The following SCGN variants were observed in gnomAD, a reference collection of about 807,000 sequenced individuals.
The protein encoded by SCGN is secretagogin.
Under a neutral mutation model 39.7 loss-of-function variants are expected in SCGN, and 30 were observed. The ratio of observed to expected loss-of-function variants is 0.76; its 90% CI spans 0.57 to 1.03. SCGN has a LOEUF of 1.03. Among genes scored for constraint, SCGN ranks in the 50% least tolerant of loss-of-function variants. The pLI is 0.00. For synonymous variants in SCGN, 106 were observed against 114.1 expected (o/e 0.93, Z 0.45); for missense variants, 353 against 349.4 (o/e 1.01, Z -0.08).
intron 2 of SCGN, among the ~76,000 whole-genome samples, chr6:25,659,547 T>A (rs1760296745): frequency 6.6e-6 from 1 of 152,220 alleles, no homozygotes; most frequent in Admixed American, 6.5e-5. Flanking sequence ...TCCTCTGATT[T>A]TTTTTCTTCT....
At chr6:25,692,008 T>C (rs1404337316) in intron 10 of SCGN, among the ~76,000 whole-genome samples, 1 of 152,220 alleles carries the variant, frequency 6.6e-6, no homozygotes, top group African/African-American at 2.4e-5. Flanking sequence ...GATAAAACCC[T>C]TTCTGACATC....
chr6:25,687,817 G>A (rs1266954228), intron 7 of SCGN, among the ~76,000 whole-genome samples: 3 of 151,928 alleles, frequency 2.0e-5, no homozygotes, highest in African/African-American at 7.3e-5. Context: ...ATTTTCCAGT[G>A]TACTATTTTA....
intron 10 of SCGN, among the ~76,000 whole-genome samples, chr6:25,691,644 T>C (rs1759774789): frequency 1.3e-5 from 2 of 152,194 alleles, no homozygotes. Context: ...TTATGTAGGA[T>C]AGACAAGGTT....
At chr6:25,675,435 C>T (rs1160572990) in intron 6 of SCGN, among the ~76,000 whole-genome samples, 1 of 152,238 alleles carries the variant, frequency 6.6e-6, no homozygotes, top group Non-Finnish European at 1.5e-5. Context: ...TGTTCTGCCT[C>T]TGTATCCCTG....
chr6:25,654,862 G>A (rs1050243515), intron 2 of SCGN, among the ~76,000 whole-genome samples: 2 of 152,188 alleles, frequency 1.3e-5, no homozygotes, highest in African/African-American at 2.4e-5. Context: ...AGACGAGAAG[G>A]ATAGAGACAC....
At chr6:25,675,606 C>T (rs1269743978) in intron 6 of SCGN, among the ~76,000 whole-genome samples, 2 of 152,226 alleles carry the variant, frequency 1.3e-5, no homozygotes, top group East Asian at 1.9e-4. Flanking sequence ...AGGTCACTCT[C>T]GTCCTCCTAA....
At chr6:25,681,510 G>A (rs191071171) in intron 6 of SCGN, among the ~76,000 whole-genome samples, 45 of 152,328 alleles carry the variant, frequency 3.0e-4, no homozygotes, top group Non-Finnish European at 5.6e-4. Flanking sequence ...GCACATGGCA[G>A]GATTGTATTA....
chr6:25,669,707 G>T (rs1311026654), intron 5 of SCGN, 140 bp downstream of exon 5: 1 of 693,756 alleles, frequency 1.4e-6, no homozygotes, highest in South Asian at 1.9e-5. Flanking sequence ...GTACATATAT[G>T]TATATATTTT....
At chr6:25,699,457 G>A (rs759890014) in intron 10 of SCGN, among the ~76,000 whole-genome samples, 12 of 151,902 alleles carry the variant, frequency 7.9e-5, no homozygotes, top group Non-Finnish European at 1.5e-4. Context: ...GGGTGTGGTG[G>A]TGGGCACCTG....
intron 10 of SCGN, among the ~76,000 whole-genome samples, chr6:25,696,151 A>T (rs146731757): frequency 6.6e-6 from 1 of 152,336 alleles, no homozygotes; most frequent in East Asian, 1.9e-4. Context: ...AATTGAATCT[A>T]ACATGTGCCT....
intron 6 of SCGN, among the ~76,000 whole-genome samples, chr6:25,673,286 C>T (rs1759523581): frequency 6.6e-6 from 1 of 152,168 alleles, no homozygotes; most frequent in Non-Finnish European, 1.5e-5. Context: ...GCTTTATGCT[C>T]TGAAATTCTC....
intron 3 of SCGN, among the ~76,000 whole-genome samples, chr6:25,664,492 A>G (rs1338825687): frequency 6.6e-6 from 1 of 152,158 alleles, no homozygotes; most frequent in Non-Finnish European, 1.5e-5. Context: ...TACCCTATAG[A>G]TTGTCATTAG....
intron 6 of SCGN, among the ~76,000 whole-genome samples, chr6:25,677,961 A>G (rs1759587078): frequency 6.6e-6 from 1 of 152,256 alleles, no homozygotes; most frequent in Non-Finnish European, 1.5e-5. Context: ...TTTGCATTTT[A>G]CAATCACTAT....
chr6:25,663,190 T>G (rs1360115745), intron 3 of SCGN, among the ~76,000 whole-genome samples: 2 of 152,322 alleles, frequency 1.3e-5, no homozygotes, highest in East Asian at 3.9e-4. Context: ...TACATTCCCT[T>G]GCTGTACCAT....
Position 25,664,975 on chromosome 6 carries a change from C to G in SCGN, c.279C>G (p.Asn93Lys). ...LAGMFLSEDE[N>K]FLLLFRRENP... Reference sequence around the variant, plus strand: ...GTATGTTCTTATCTGAGGATGAAAACTTTCTTCTGCTCTTTCGCCGGGAAA... The same window carrying G: ...GTATGTTCTTATCTGAGGATGAAAAGTTTCTTCTGCTCTTTCGCCGGGAAA... Residue 93 changes from asparagine (N) to lysine (K), a missense_variant, in exon 4 of 11, where the codon AAC becomes AAG. Transcript: ENST00000377961. 1 of 1,614,000 alleles carries G rather than the reference C, an allele frequency of 6.2e-7. No homozygotes were observed. Among genetic ancestry groups the G allele is most frequent in the Non-Finnish European group, 8.5e-7 (1 of 1,179,932 alleles).
At chr6:25,666,788 A>G (rs571080634) in intron 4 of SCGN, among the ~76,000 whole-genome samples, 79 of 152,328 alleles carry the variant, frequency 5.2e-4, no homozygotes, top group Admixed American at 7.2e-4. Context: ...AGGTAAGAAT[A>G]CACAAAAAAT....
In SCGN at chr6:25,688,374, G is replaced by A. The variant is rs370936010; in HGVS notation, c.528-798G>A. On this transcript the variant is annotated intron_variant, in intron 7 of 10. Transcript: ENST00000377961. The stretch of plus-strand genomic sequence containing the variant: ...GAAGTCTCTGCTAGGTTAGTTCAAT[G>A]GTCAGTTCATAATTGGACAGAGATT... Among the ~76,000 whole-genome samples the A allele has an allele frequency of 4.6e-5, 7 of 152,286 alleles. No individual in the cohort carries two copies. The East Asian group carries it at 1.2e-3, about 25-fold the overall frequency.
rs1760147728 is a variant in SCGN, at chr6:25,652,336, G to A, written c.-68G>A. On this transcript the variant is annotated 5_prime_UTR_variant, in exon 1 of 11. In the 5' UTR this introduces an upstream ATG that the reference lacks. Transcript: ENST00000377961. ...GCAGGAGAGCAAGTCAAGAAATACG[G>A]TGAAGGAGTCCTTCCCAAAGTTGTC... The A allele has an allele frequency of 1.7e-6, 2 of 1,194,638 alleles. No homozygotes were observed. The highest frequency in any genetic ancestry group is 1.6e-5 in the African/African-American group (1 of 64,150). The allele number at this position is 1,194,638 out of a possible 1,614,324, so 74.0% of individuals were successfully genotyped here. A position where few individuals can be genotyped will look rare whatever the true frequency, so the allele number is the denominator to read the frequency against.
chr6:25,691,534 G>A (rs1241092666), intron 10 of SCGN, among the ~76,000 whole-genome samples: 1 of 151,884 alleles, frequency 6.6e-6, no homozygotes, highest in African/African-American at 2.4e-5. Flanking sequence ...TAACTAAGAG[G>A]CTTCTCTAAT....
Sources: allele counts gnomAD v4.1 joint callset (sites outside exome capture counted in the v4.1 genomes callset), GRCh38; gene constraint gnomAD v4.1.1; transcripts MANE v1.5; gene names NCBI Gene and HGNC (gene_info 2026-07-23, HGNC 2026-07-21).